DLG2: variants seen among roughly 807,000 people sequenced by gnomAD.
The protein encoded by DLG2 is discs large MAGUK scaffold protein 2.
In DLG2, 45 loss-of-function variants were observed where a neutral mutation model predicts 132.5. The ratio of observed to expected loss-of-function variants is 0.34; its 90% CI spans 0.27 to 0.44. The LOEUF (loss-of-function observed/expected upper bound fraction) is 0.44, where lower values mean the gene tolerates loss of function less well. Ranked by LOEUF, DLG2 falls within the 20% of genes least tolerant of loss-of-function variation. The pLI is 1.00. For missense variants in DLG2, 1,045 were observed against 1,196.9 expected (o/e 0.87, Z 1.87); for synonymous variants, 424 against 419.6 (o/e 1.01, Z -0.13).
At chr11:83,996,522 C>T (rs1325873654) in intron 11 of DLG2, among the ~76,000 whole-genome samples, 1 of 152,126 alleles carries the variant, frequency 6.6e-6, no homozygotes, top group East Asian at 1.9e-4. Flanking sequence ...CACTCTCATG[C>T]TTATTGCAGC....
At chr11:85,029,235 A>T (rs1386440637) in intron 6 of DLG2, among the ~76,000 whole-genome samples, 1 of 151,504 alleles carries the variant, frequency 6.6e-6, no homozygotes, top group East Asian at 1.9e-4. Context: ...GAATAACTCC[A>T]CATAGATGAA....
At chr11:83,898,097 G>T (rs2072305585) in intron 15 of DLG2, among the ~76,000 whole-genome samples, 1 of 152,066 alleles carries the variant, frequency 6.6e-6, no homozygotes, top group South Asian at 2.1e-4. Context: ...TTGACTGACT[G>T]CCCTCAAAAT....
At chr11:84,032,145 A>T (rs1170603843) in intron 11 of DLG2, among the ~76,000 whole-genome samples, 1 of 152,176 alleles carries the variant, frequency 6.6e-6, no homozygotes, top group Non-Finnish European at 1.5e-5. Flanking sequence ...AATGGCCTCC[A>T]AATGTTCAAT....
chr11:85,068,245 C>T (rs1352053976), intron 6 of DLG2, among the ~76,000 whole-genome samples: 1 of 152,082 alleles, frequency 6.6e-6, no homozygotes, highest in African/African-American at 2.4e-5. Context: ...TGGCACAAGA[C>T]AGGGATGCCC....
chr11:84,848,870 C>A (rs371697096), intron 6 of DLG2, among the ~76,000 whole-genome samples: 8 of 152,176 alleles, frequency 5.3e-5, no homozygotes, highest in Non-Finnish European at 1.0e-4. Context: ...GGTATCCATA[C>A]CCTTATGCGG....
intron 7 of DLG2, among the ~76,000 whole-genome samples, chr11:84,440,882 G>A (rs1232705562): frequency 6.6e-6 from 1 of 151,938 alleles, no homozygotes; most frequent in East Asian, 1.9e-4. Flanking sequence ...AATGATTTTT[G>A]TTTAAAAATA....
intron 3 of DLG2, among the ~76,000 whole-genome samples, chr11:85,395,656 G>C (rs561376013): frequency 6.6e-6 from 1 of 152,298 alleles, no homozygotes; most frequent in East Asian, 1.9e-4. Context: ...CTCACTGCTA[G>C]CACAGCAGTC....
intron 15 of DLG2, among the ~76,000 whole-genome samples, chr11:83,921,543 C>A (rs2077918360): frequency 6.6e-6 from 1 of 152,118 alleles, no homozygotes; most frequent in Non-Finnish European, 1.5e-5. Flanking sequence ...CCTAAGGGCA[C>A]CCAATACACA....
intron 18 of DLG2, chr11:83,651,818 T>C: frequency 2.1e-6 from 1 of 471,098 alleles, no homozygotes; most frequent in Non-Finnish European, 4.4e-6. Context: ...GATTACAGCA[T>C]GTGAAAGATT....
chr11:84,151,979 T>C (rs1175990828), intron 9 of DLG2, among the ~76,000 whole-genome samples: 1 of 152,224 alleles, frequency 6.6e-6, no homozygotes, highest in African/African-American at 2.4e-5. Flanking sequence ...TAGTAGATCT[T>C]GGAGTGTGTT....
chr11:83,757,760 C>T (rs1463853603), intron 18 of DLG2, among the ~76,000 whole-genome samples: 1 of 152,182 alleles, frequency 6.6e-6, no homozygotes, highest in African/African-American at 2.4e-5. Context: ...CATACATGCA[C>T]ATTCCCTTTC....
chr11:84,287,315 G>A (rs2097919051), intron 7 of DLG2, among the ~76,000 whole-genome samples: 1 of 152,040 alleles, frequency 6.6e-6, no homozygotes, highest in Non-Finnish European at 1.5e-5. Flanking sequence ...AATCCTAGGA[G>A]GTCGGGATGG....
intron 3 of DLG2, among the ~76,000 whole-genome samples, chr11:85,543,830 G>T (rs1005583360): frequency 5.6e-5 from 8 of 143,414 alleles, no homozygotes; most frequent in African/African-American, 8.2e-5. Flanking sequence ...TTTTTGATGG[G>T]GTTGTTTGTT....
intron 19 of DLG2, among the ~76,000 whole-genome samples, chr11:83,562,013 C>T (rs758621367): frequency 3.3e-5 from 5 of 150,788 alleles, no homozygotes; most frequent in South Asian, 2.1e-4. Context: ...TTCAGCCTCC[C>T]GAGTAGCTGG....
At chr11:83,772,982 T>C (rs536666796) in intron 18 of DLG2, among the ~76,000 whole-genome samples, 2 of 152,354 alleles carry the variant, frequency 1.3e-5, no homozygotes, top group African/African-American at 4.8e-5. Flanking sequence ...CATATTATGT[T>C]AGCATTAAAA....
At chr11:84,090,637 C>T (rs1431830694) in intron 10 of DLG2, among the ~76,000 whole-genome samples, 1 of 152,042 alleles carries the variant, frequency 6.6e-6, no homozygotes, top group Non-Finnish European at 1.5e-5. Context: ...CAACATATTG[C>T]AAAGTAGGAC....
chr11:84,057,211 G>C (rs904558374), intron 11 of DLG2, among the ~76,000 whole-genome samples: 1 of 152,252 alleles, frequency 6.6e-6, no homozygotes, highest in South Asian at 2.1e-4. Context: ...TAAAATATGT[G>C]TTCTTGGTAA....
rs374375287 is a variant in DLG2 at position 84,032,125 on chromosome 11, A to G, written c.919+27190T>C. On this transcript the variant is annotated intron_variant, in intron 11 of 27. Transcript: ENST00000376104. ...TTCCCCAAGACCCCGAGGCTAAATA[A>G]TAACCCTTAAATGGCCTCCAAATGT... is the stretch of plus-strand genomic sequence containing the variant. Among the ~76,000 whole-genome samples the G allele has an allele frequency of 2.0e-4, 30 of 152,258 alleles. No individual in the cohort carries two copies. The East Asian group carries it at 2.7e-3, about 14-fold the overall frequency.
intron 21 of DLG2, among the ~76,000 whole-genome samples, chr11:83,491,780 T>C (rs34451701): frequency 0.04 from 5,924 of 149,208 alleles, 130 homozygotes; most frequent in Middle Eastern, 0.096. Context: ...GACCTTCTCT[T>C]CTCTCTCATC....
Sources: gnomAD v4.1 joint callset for allele counts (sites outside exome capture counted in the v4.1 genomes callset) on GRCh38, gnomAD v4.1.1 for gene constraint, MANE v1.5 for transcripts, NCBI Gene and HGNC (gene_info 2026-07-23, HGNC 2026-07-21) for gene names.